Variants in ARFGAP3 observed in about 807,000 individuals in gnomAD.
ARFGAP3 encodes the protein ADP-ribosylation factor GTPase-activating protein 3.
Under a neutral mutation model 75.0 loss-of-function variants are expected in ARFGAP3, and 72 were observed. The observed-to-expected ratio is 0.96, with a 90% CI of 0.79 to 1.17. ARFGAP3 has a LOEUF of 1.17. Among genes scored for constraint, ARFGAP3 ranks in the 50% most tolerant of loss-of-function variants. The pLI is 0.00. For missense variants in ARFGAP3, 620 were observed against 626.6 expected (o/e 0.99, Z 0.11); for synonymous variants, 221 against 217.9 (o/e 1.01, Z -0.13).
At chr22:42,829,943 A>C (rs1926211319) in intron 6 of ARFGAP3, among the ~76,000 whole-genome samples, 1 of 152,234 alleles carries the variant, frequency 6.6e-6, no homozygotes, top group South Asian at 2.1e-4. Context: ...TCCAAATTCC[A>C]TTCATCAAAT....
In ARFGAP3 at chr22:42,817,735, CAATTTCCA is replaced by C. The variant is rs1925641538; in HGVS notation, c.927_934del (p.Phe309LeufsTer31). 1.2e-6 allele frequency: 2 copies of C among 1,611,666 alleles called. No individual in the cohort carries two copies. Among genetic ancestry groups the C allele is most frequent in the African/African-American group, 2.7e-5 (2 of 74,942 alleles). On this transcript the variant is annotated frameshift_variant, in exon 10 of 16. Transcript: ENST00000263245. LOFTEE classifies it high-confidence loss of function. The stretch of plus-strand genomic sequence containing the variant: ...AGAAAGCAGTCTCACATACCTTCTG[CAATTTCCA>C]AATCCCATGCCGAGTCTGTCTGAGT...
At chr22:42,822,529 T>G in intron 8 of ARFGAP3, 120 bp from the exon 9 acceptor site, 1 of 1,245,626 alleles carries the variant, frequency 8.0e-7, no homozygotes, top group South Asian at 1.6e-5. Flanking sequence ...ACATTTGTTC[T>G]GTGGCTTAGT....
At chr22:42,816,128 A>G (rs1239898658) in intron 11 of ARFGAP3, among the ~76,000 whole-genome samples, 1 of 152,128 alleles carries the variant, frequency 6.6e-6, no homozygotes, top group African/African-American at 2.4e-5. Context: ...ACAAACAAAC[A>G]AACAAAAAAC....
rs1370779485 is a variant in ARFGAP3, at chr22:42,796,720, G to T, written c.*868C>A. 6.6e-6 allele frequency: 1 copy of T among 151,948 alleles called. No homozygotes were observed. Among genetic ancestry groups the T allele is most frequent in the African/African-American group, 2.4e-5 (1 of 41,346 alleles). 9.4% of individuals were successfully genotyped at this position (151,948 alleles called of 1,614,324 possible). A position where few individuals can be genotyped will look rare whatever the true frequency, so the allele number is the denominator to read the frequency against. The stretch of plus-strand genomic sequence containing the variant: ...TTTCTTTATTTGTTTATACACATTC[G>T]GTAATTTCTGAAAAGCAAGATTTAA... On this transcript the variant is annotated 3_prime_UTR_variant, in exon 16 of 16. Transcript: ENST00000263245.
intron 2 of ARFGAP3, among the ~76,000 whole-genome samples, chr22:42,846,038 C>CAAAAAAAAAAAAAAAAAAA (rs60266541): frequency 1.1e-5 from 1 of 88,110 alleles, no homozygotes; most frequent in Non-Finnish European, 2.2e-5. Flanking sequence ...AACTCCATCT[C>CAAAAAAAAAAAAAAAAAAA]AAAAAAAAAA....
chr22:42,810,843 G>A lies in ARFGAP3; in HGVS notation c.1166C>T (p.Thr389Ile), dbSNP rs1408971558. 1 of 1,614,136 alleles carries A rather than the reference G, an allele frequency of 6.2e-7. No homozygotes were observed. Among genetic ancestry groups the A allele is most frequent in the South Asian group, 1.1e-5 (1 of 91,084 alleles). ...TGAATAGCCTGTGGTTTTCAGAACTGTTTCAGTATCTTTGCTGGTCTCTTT... is the reference window on the plus strand; with the variant it reads ...TGAATAGCCTGTGGTTTTCAGAACTATTTCAGTATCTTTGCTGGTCTCTTT... ...WKKETSKDTETVLKTTGYSDR... is the reference protein window; with the variant it reads ...WKKETSKDTEIVLKTTGYSDR... The change falls in exon 12 of 16, where the codon ACA becomes ATA. Residue 389 changes from threonine to isoleucine, a missense_variant. Physicochemically the swap from Thr to Ile is moderately conservative, Grantham distance 89. Coordinates refer to ENST00000263245, the MANE Select transcript of ARFGAP3 (RefSeq NM_014570.5).
rs538455460 is a variant in ARFGAP3 at position 42,809,935 on chromosome 22, C to T, written c.1196+878G>A. On this transcript the variant is annotated intron_variant, in intron 12 of 15. Transcript: ENST00000263245. Reference sequence around the variant, plus strand: ...AGGAGAATGGTGTGAACCCAGGAGGCGGAGCTTGCAGTGAGCTGAGATTGC... The same window carrying T: ...AGGAGAATGGTGTGAACCCAGGAGGTGGAGCTTGCAGTGAGCTGAGATTGC... Among the ~76,000 whole-genome samples the T allele has an allele frequency of 3.9e-3, 546 of 141,628 alleles. 2 individuals carry two copies. The highest frequency in any genetic ancestry group is 6.3e-3 in the Non-Finnish European group (416 of 66,552). The allele number at this position is 141,628 out of a possible 152,430, so 92.9% of individuals were successfully genotyped here.
chr22:42,803,579 T>C (rs1313903199), intron 14 of ARFGAP3, among the ~76,000 whole-genome samples: 1 of 152,196 alleles, frequency 6.6e-6, no homozygotes, highest in Non-Finnish European at 1.5e-5. Flanking sequence ...TGTCATCTGG[T>C]GTCTGAGTGC....
chr22:42,800,698 C>G (rs999709104), intron 14 of ARFGAP3, among the ~76,000 whole-genome samples: 1 of 152,238 alleles, frequency 6.6e-6, no homozygotes, highest in Non-Finnish European at 1.5e-5. Context: ...AGCTGACTGT[C>G]TAAAATCTTG....
intron 14 of ARFGAP3, among the ~76,000 whole-genome samples, chr22:42,805,796 C>T (rs778175358): frequency 8.5e-5 from 13 of 152,200 alleles, no homozygotes; most frequent in Non-Finnish European, 1.6e-4. Context: ...GCGGATGTGC[C>T]GGGGCTTGTC....
At chr22:42,805,143 C>A (rs1443627256) in intron 14 of ARFGAP3, among the ~76,000 whole-genome samples, 1 of 152,044 alleles carries the variant, frequency 6.6e-6, no homozygotes, top group African/African-American at 2.4e-5. Flanking sequence ...CCCCAGGGTG[C>A]ACCTTACAAT....
Position 42,835,398 on chromosome 22 carries a change from C to G in ARFGAP3, c.357G>C (p.Ser119=). Residue 119 remains serine (S), a synonymous_variant, in exon 4 of 16, where the codon TCG becomes TCC. Transcript: ENST00000263245. ...AAQLYREKIK[S]LASQATRKHG... ...GCTTCCGTGTTGCTTGAGAGGCGAG[C>G]GATTTGATTTTCTCCCTATAGAGCT... The G allele has an allele frequency of 6.2e-7, 1 of 1,614,010 alleles. No homozygotes were observed.
chr22:42,817,880 C>A, intron 9 of ARFGAP3, 23 bp from the exon 10 acceptor site: 1 of 1,550,724 alleles, frequency 6.4e-7, no homozygotes, highest in South Asian at 1.2e-5. Flanking sequence ...CCAAATACTC[C>A]TTAATTTAGC....
chr22:42,834,360 C>A, intron 4 of ARFGAP3, 35 bp from the exon 5 acceptor site: 1 of 1,605,174 alleles, frequency 6.2e-7, no homozygotes, highest in Non-Finnish European at 8.5e-7. Flanking sequence ...CTGAGCATTT[C>A]ATCCGGCCTG....
rs1924650532 is a variant in ARFGAP3, at chr22:42,797,424, C to G, written c.*164G>C. Reference sequence around the variant, plus strand: ...TCACAGGAAAGCTCCTACATCAGAACTCAGAATTTCTCAAAAGAAATATTA... The same window carrying G: ...TCACAGGAAAGCTCCTACATCAGAAGTCAGAATTTCTCAAAAGAAATATTA... On this transcript the variant is annotated 3_prime_UTR_variant, in exon 16 of 16. Coordinates refer to ENST00000263245, the MANE Select transcript of ARFGAP3 (RefSeq NM_014570.5). The G allele has an allele frequency of 8.0e-6, 7 of 869,716 alleles. No homozygotes were observed. The Admixed American group carries it at 1.8e-4, about 22-fold the overall frequency. The allele number at this position is 869,716 out of a possible 1,614,324, so 53.9% of individuals were successfully genotyped here. A position where few individuals can be genotyped will look rare whatever the true frequency, so the allele number is the denominator to read the frequency against.
chr22:42,831,528 T>G (rs770873092), intron 6 of ARFGAP3, 21 bp downstream of exon 6: 40 of 1,605,794 alleles, frequency 2.5e-5, no homozygotes, highest in African/African-American at 4.0e-5. Context: ...TAGTATTACA[T>G]GACAGTTCTA....
In ARFGAP3 at chr22:42,840,731, T is replaced by C. The variant is rs184585930; in HGVS notation, c.261+213A>G. Among the ~76,000 whole-genome samples the C allele has an allele frequency of 4.7e-3, 722 of 152,122 alleles. 4 individuals carry two copies. Among genetic ancestry groups the C allele is most frequent in the African/African-American group, 0.017 (704 of 41,494 alleles). On this transcript the variant is annotated intron_variant, in intron 3 of 15. Transcript: ENST00000263245. The stretch of plus-strand genomic sequence containing the variant: ...GGCGTGAGACACCACACCTGACTTG[T>C]TTGTTTTTTATAAACAGAGGGTCTT...
At chr22:42,807,394 G>T in intron 13 of ARFGAP3, 1 of 345,466 alleles carries the variant, frequency 2.9e-6, no homozygotes, top group Non-Finnish European at 4.1e-6. Context: ...CCTCAGCCAC[G>T]ATGGCCAGTG....
At chr22:42,808,973 G>A in intron 12 of ARFGAP3, 83 bp from the exon 13 acceptor site, 1 of 1,337,572 alleles carries the variant, frequency 7.5e-7, no homozygotes, top group South Asian at 2.5e-5. Context: ...TTTTTAAAAT[G>A]CCAACAGCAG....
Sources: gnomAD v4.1 joint callset for allele counts (sites outside exome capture counted in the v4.1 genomes callset) on GRCh38, gnomAD v4.1.1 for gene constraint, MANE v1.5 for transcripts, NCBI Gene and HGNC (gene_info 2026-07-23, HGNC 2026-07-21) for gene names.